CHRM3: variants seen among roughly 807,000 people sequenced by gnomAD.
The protein encoded by CHRM3 is cholinergic receptor muscarinic 3.
Under a neutral mutation model 41.8 loss-of-function variants are expected in CHRM3, and 11 were observed. That is an observed-to-expected ratio of 0.26 (90% CI 0.17 to 0.44). CHRM3 has a LOEUF of 0.44. CHRM3 is among the 20% of genes least tolerant of loss of function. CHRM3 has a pLI of 1.00. For missense variants in CHRM3, 571 were observed against 745.4 expected, an observed-to-expected ratio of 0.77 and a Z score of 2.72; for synonymous variants, 297 against 301.4, an observed-to-expected ratio of 0.99 and a Z score of 0.15.
intron 5 of CHRM3, among the ~76,000 whole-genome samples, chr1:239,752,006 T>C (rs1665872829): frequency 6.6e-6 from 1 of 152,210 alleles, no homozygotes; most frequent in South Asian, 2.1e-4. Flanking sequence ...AAAGCTCCTT[T>C]GTAGTTCTGT....
At chr1:239,454,506 G>C (rs1402958659) in intron 1 of CHRM3, among the ~76,000 whole-genome samples, 3 of 150,872 alleles carry the variant, frequency 2.0e-5, no homozygotes, top group Non-Finnish European at 4.4e-5. Flanking sequence ...TCATTATTTA[G>C]ATGTGAGTGA....
At chr1:239,589,043 C>T (rs987377915) in intron 3 of CHRM3, among the ~76,000 whole-genome samples, 1 of 152,042 alleles carries the variant, frequency 6.6e-6, no homozygotes, top group Non-Finnish European at 1.5e-5. Context: ...AAGCAGTTCT[C>T]CTGCCTCAGC....
intron 3 of CHRM3, among the ~76,000 whole-genome samples, chr1:239,620,184 C>T (rs940903504): frequency 7.9e-5 from 12 of 152,034 alleles, no homozygotes; most frequent in Admixed American, 6.6e-4. Context: ...CTAAATGGAG[C>T]GTGTAGTAGT....
chr1:239,552,154 TTATTA>T (rs1367729466), intron 3 of CHRM3, among the ~76,000 whole-genome samples: 1 of 148,798 alleles, frequency 6.7e-6, no homozygotes, highest in Non-Finnish European at 1.5e-5. Context: ...TGATATATAT[TTATTA>T]TATTATGATA....
At chr1:239,797,906 G>T (rs1669920069) in intron 5 of CHRM3, among the ~76,000 whole-genome samples, 1 of 152,038 alleles carries the variant, frequency 6.6e-6, no homozygotes, top group Non-Finnish European at 1.5e-5. Flanking sequence ...CAAATTAGCT[G>T]GGCCTAGTGA....
At chr1:239,822,350 A>G (rs926877055) in intron 5 of CHRM3, among the ~76,000 whole-genome samples, 2 of 152,168 alleles carry the variant, frequency 1.3e-5, no homozygotes, top group Admixed American at 1.3e-4. Flanking sequence ...AAGGATGGAG[A>G]AATAACTTAA....
intron 4 of CHRM3, among the ~76,000 whole-genome samples, chr1:239,656,462 AAAAAAAG>A (rs1172235806): frequency 1.9e-4 from 28 of 146,384 alleles, no homozygotes; most frequent in Admixed American, 3.4e-4. Context: ...CTCTGCTAAA[AAAAAAAG>A]AAAAAAGAAA....
chr1:239,733,732 G>C (rs1664168154), intron 5 of CHRM3, among the ~76,000 whole-genome samples: 3 of 151,990 alleles, frequency 2.0e-5, no homozygotes, highest in South Asian at 2.1e-4. Flanking sequence ...CTCAGCTGTT[G>C]CTTAATGTAT....
At chr1:239,489,299 C>T (rs1464896792) in intron 1 of CHRM3, among the ~76,000 whole-genome samples, 1 of 152,058 alleles carries the variant, frequency 6.6e-6, no homozygotes, top group East Asian at 1.9e-4. Context: ...GTAATCCCAG[C>T]TACTCAGGAG....
At chr1:239,662,346 A>C (rs80311676) in intron 4 of CHRM3, among the ~76,000 whole-genome samples, 2 of 152,134 alleles carry the variant, frequency 1.3e-5, no homozygotes, top group African/African-American at 4.8e-5. Context: ...ATGACTGTAC[A>C]TGATTGTAGT....
At chr1:239,846,020 A>G (rs1259922728) in intron 6 of CHRM3, among the ~76,000 whole-genome samples, 1 of 152,230 alleles carries the variant, frequency 6.6e-6, no homozygotes, top group South Asian at 2.1e-4. Context: ...CAAAGCTTCA[A>G]CTGTTGAAGA....
chr1:239,446,627 T>C (rs978012603), intron 1 of CHRM3, among the ~76,000 whole-genome samples: 2 of 152,198 alleles, frequency 1.3e-5, no homozygotes, highest in African/African-American at 4.8e-5. Context: ...GTGAAATGGG[T>C]TGGCTCATGC....
intron 5 of CHRM3, among the ~76,000 whole-genome samples, chr1:239,818,668 C>T (rs1204375540): frequency 6.6e-6 from 1 of 152,164 alleles, no homozygotes; most frequent in African/African-American, 2.4e-5. Flanking sequence ...AGCTTAATTT[C>T]AAGATCTAAT....
intron 6 of CHRM3, among the ~76,000 whole-genome samples, chr1:239,896,332 T>C (rs1435833071): frequency 6.6e-6 from 1 of 152,226 alleles, no homozygotes; most frequent in East Asian, 1.9e-4. Flanking sequence ...TCTATACTGC[T>C]CCTTCCACTG....
chr1:239,779,222 T>C (rs2148787860), intron 5 of CHRM3, among the ~76,000 whole-genome samples: 2 of 152,316 alleles, frequency 1.3e-5, no homozygotes. Flanking sequence ...AGAATTCCCA[T>C]ACACCCCCTG....
intron 6 of CHRM3, among the ~76,000 whole-genome samples, chr1:239,830,404 T>G (rs931760990): frequency 1.3e-5 from 2 of 152,192 alleles, no homozygotes; most frequent in African/African-American, 4.8e-5. Flanking sequence ...GGAACACACA[T>G]GGATAAGAGT....
At chr1:239,728,348 A>C (rs1663639816) in intron 5 of CHRM3, among the ~76,000 whole-genome samples, 1 of 151,984 alleles carries the variant, frequency 6.6e-6, no homozygotes, top group Admixed American at 6.6e-5. Context: ...GTATAAGATG[A>C]AAACATGCCT....
At chr1:239,510,385 C>T (rs1318760826) in intron 2 of CHRM3, among the ~76,000 whole-genome samples, 1 of 152,138 alleles carries the variant, frequency 6.6e-6, no homozygotes, top group Admixed American at 6.5e-5. Flanking sequence ...ACTGTCTCCT[C>T]TTTTTCCTCT....
At chr1:239,878,907 G>A (rs1054492694) in intron 6 of CHRM3, among the ~76,000 whole-genome samples, 5 of 152,168 alleles carry the variant, frequency 3.3e-5, no homozygotes, top group African/African-American at 1.2e-4. Context: ...GCATCTCGCT[G>A]GGGTTGACCA....
Sources: allele counts gnomAD v4.1 joint callset (sites outside exome capture counted in the v4.1 genomes callset), GRCh38; gene constraint gnomAD v4.1.1; transcripts MANE v1.5; gene names NCBI Gene and HGNC (gene_info 2026-07-23, HGNC 2026-07-21).